Variants in KPNA3 observed in about 807,000 individuals in gnomAD.
KPNA3 encodes importin subunit alpha-4.
KPNA3 carries 13 observed loss-of-function variants against 73.8 expected under a neutral mutation model. The observed-to-expected ratio is 0.18, with a 90% CI of 0.11 to 0.28. The LOEUF is 0.28. Ranked by LOEUF, KPNA3 falls within the 10% of genes least tolerant of loss-of-function variation. KPNA3 has a pLI of 1.00. For synonymous variants in KPNA3, 186 were observed against 206.9 expected (o/e 0.90, Z 0.87); for missense variants, 360 against 618.1 (o/e 0.58, Z 4.43).
At position 49,709,656 on chromosome 13, in the gene KPNA3, G is replaced by A. The variant is rs780610786; in HGVS notation, c.948C>T (p.Asp316=). 8.1e-6 allele frequency: 13 copies of A among 1,613,832 alleles called. No homozygotes were observed. Among genetic ancestry groups the A allele is most frequent in the African/African-American group, 2.7e-5 (2 of 74,908 alleles). ...RAVGNIVTGT[D]EQTQVVLNCD... Reference sequence around the variant, plus strand: ...AATTGAGAACAACCTGGGTCTGCTCGTCGGTGCCAGTCACTATGTTGCCAA... The same window carrying A: ...AATTGAGAACAACCTGGGTCTGCTCATCGGTGCCAGTCACTATGTTGCCAA... Residue 316 remains aspartate (D), a synonymous_variant, in exon 12 of 17, where the codon GAC becomes GAT. Transcript: ENST00000261667.
At chr13:49,759,833 G>A (rs942775368) in intron 1 of KPNA3, among the ~76,000 whole-genome samples, 1 of 152,202 alleles carries the variant, frequency 6.6e-6, no homozygotes, top group Non-Finnish European at 1.5e-5. Flanking sequence ...CGGACTGGTA[G>A]TGGTCCAGGG....
intron 1 of KPNA3, among the ~76,000 whole-genome samples, chr13:49,752,138 G>C (rs915934351): frequency 6.6e-6 from 1 of 152,182 alleles, no homozygotes; most frequent in African/African-American, 2.4e-5. Context: ...GTTGCAAATG[G>C]AAGGGATCTT....
chr13:49,700,066 C>G lies in KPNA3; in HGVS notation c.*1734G>C, dbSNP rs1488438812. ...ACCTATAAATAATCAGAGGCCAAAC[C>G]ACTATATTAAAACAGATTCTCTAGC... On this transcript the variant is annotated 3_prime_UTR_variant, in exon 17 of 17. Coordinates refer to ENST00000261667, the MANE Select transcript of KPNA3 (RefSeq NM_002267.4). 1 of 152,546 alleles carries G rather than the reference C, an allele frequency of 6.6e-6. No individual in the cohort carries two copies. The highest frequency in any genetic ancestry group is 1.5e-5 in the Non-Finnish European group (1 of 68,028). The allele number at this position is 152,546 out of a possible 1,614,324, so 9.4% of individuals were successfully genotyped here.
intron 2 of KPNA3, among the ~76,000 whole-genome samples, chr13:49,744,467 AGAT>A (rs1310589787): frequency 2.0e-5 from 3 of 152,246 alleles, no homozygotes; most frequent in Non-Finnish European, 4.4e-5. Context: ...GATGATTAAT[AGAT>A]AATAGACAAA....
At position 49,705,610 on chromosome 13, in the gene KPNA3, T is replaced by G. The variant is rs368142442; in HGVS notation, c.1372+11A>C. 26 of 1,610,788 alleles carry G rather than the reference T, an allele frequency of 1.6e-5. No homozygotes were observed. Among genetic ancestry groups the G allele is most frequent in the Non-Finnish European group, 2.0e-5 (24 of 1,178,482 alleles). ...TGCTCAAATACTCTTCTTCCATCAA[T>G]CCACTCTTACCTCCACATTCCTCTA... On this transcript the variant is annotated intron_variant, in intron 15 of 16. Coordinates refer to ENST00000261667, the MANE Select transcript of KPNA3 (RefSeq NM_002267.4).
At chr13:49,710,088 C>T (rs1954246342) in intron 11 of KPNA3, among the ~76,000 whole-genome samples, 1 of 152,234 alleles carries the variant, frequency 6.6e-6, no homozygotes, top group African/African-American at 2.4e-5. Context: ...CATAGTGAAA[C>T]TCCATCTCTA....
chr13:49,791,873 ATC>A (rs1241375490), intron 1 of KPNA3, among the ~76,000 whole-genome samples: 191 of 152,198 alleles, frequency 1.3e-3, no homozygotes, highest in African/African-American at 4.5e-3. Context: ...ACCCTCCCCC[ATC>A]GATCACCCTC....
chr13:49,704,544 AAAAT>A (rs905256245), intron 15 of KPNA3, among the ~76,000 whole-genome samples: 6 of 151,712 alleles, frequency 4.0e-5, no homozygotes, highest in African/African-American at 1.4e-4. Flanking sequence ...GTTTTCTCTT[AAAAT>A]AAATAAATAA....
Position 49,706,291 on chromosome 13 carries a change from T to A in KPNA3, c.1114A>T (p.Met372Leu), listed in dbSNP as rs184001441. Residue 372 changes from methionine to leucine, a missense_variant, in exon 13 of 17, where the codon ATG becomes TTG. By Grantham distance (15) the Met-to-Leu change is conservative (BLOSUM62 2). Around this residue, in one of 3 missense-constraint regions of KPNA3, gnomAD observed 287 missense variants for 549.1 expected, o/e 0.52. Transcript: ENST00000261667. ...ACCTTAGCAAGCTGATGAATTATCA[T>A]AGGAATTAATCCAGCATCTATTACA... ...QAVIDAGLIP[M>L]IIHQLAKGDF... 98 of 1,614,036 alleles carry A rather than the reference T, an allele frequency of 6.1e-5. No individual in the cohort carries two copies. The Admixed American group carries it at 1.6e-3, about 27-fold the overall frequency.
chr13:49,723,126 CTTAAAA>C (rs1954375891), intron 7 of KPNA3, among the ~76,000 whole-genome samples: 2 of 150,714 alleles, frequency 1.3e-5, no homozygotes, highest in Admixed American at 1.3e-4. Context: ...GTATTATTTA[CTTAAAA>C]TTTAAATTAA....
At chr13:49,746,077 A>G (rs934665243) in intron 2 of KPNA3, among the ~76,000 whole-genome samples, 1 of 151,854 alleles carries the variant, frequency 6.6e-6, no homozygotes, top group African/African-American at 2.4e-5. Flanking sequence ...AAAAAAAAAA[A>G]AAAAAAAGAA....
chr13:49,750,208 G>T (rs542023562), intron 1 of KPNA3, among the ~76,000 whole-genome samples: 1 of 152,246 alleles, frequency 6.6e-6, no homozygotes, highest in Admixed American at 6.5e-5. Flanking sequence ...ATCAAATCTG[G>T]CAGGCTATCT....
At chr13:49,764,862 T>C (rs930566140) in intron 1 of KPNA3, among the ~76,000 whole-genome samples, 6 of 152,232 alleles carry the variant, frequency 3.9e-5, no homozygotes, top group Admixed American at 6.5e-5. Context: ...CACTTCTACT[T>C]ATTTAGTCCA....
At chr13:49,760,158 C>T (rs1238199194) in intron 1 of KPNA3, among the ~76,000 whole-genome samples, 1 of 152,170 alleles carries the variant, frequency 6.6e-6, no homozygotes, top group East Asian at 1.9e-4. Context: ...CACGGTGGCT[C>T]ATGCCTGTAA....
chr13:49,704,315 A>G (rs1954179898), intron 15 of KPNA3, among the ~76,000 whole-genome samples: 1 of 151,692 alleles, frequency 6.6e-6, no homozygotes, highest in Non-Finnish European at 1.5e-5. Flanking sequence ...CCCAGCTACT[A>G]GGGAGGCTGA....
intron 2 of KPNA3, among the ~76,000 whole-genome samples, chr13:49,733,380 C>T (rs1954489450): frequency 6.7e-6 from 1 of 148,848 alleles, no homozygotes; most frequent in Non-Finnish European, 1.5e-5. Flanking sequence ...CCTCTGCTTC[C>T]TGGGTTCAGG....
chr13:49,755,458 A>G (rs1473055850), intron 1 of KPNA3, among the ~76,000 whole-genome samples: 1 of 152,232 alleles, frequency 6.6e-6, no homozygotes, highest in Non-Finnish European at 1.5e-5. Context: ...AGCCAGTAAA[A>G]TAAGGCAAGA....
In KPNA3 at chr13:49,701,605, G is replaced by T; in HGVS notation, c.*195C>A. ...GTTCTAAAACAGTTTAGGAAATCAT[G>T]CATATGCATTTACAGTCCATGTGAT... On this transcript the variant is annotated 3_prime_UTR_variant, in exon 17 of 17. Coordinates refer to ENST00000261667, the MANE Select transcript of KPNA3 (RefSeq NM_002267.4). The T allele has an allele frequency of 1.4e-6, 1 of 713,006 alleles. No homozygotes were observed. The highest frequency in any genetic ancestry group is 1.4e-5 in the South Asian group (1 of 70,568). 44.2% of individuals were successfully genotyped at this position (713,006 alleles called of 1,614,324 possible).
chr13:49,737,905 G>A (rs1482229416), intron 2 of KPNA3, among the ~76,000 whole-genome samples: 2 of 152,106 alleles, frequency 1.3e-5, no homozygotes, highest in Non-Finnish European at 2.9e-5. Context: ...CTCTCACACA[G>A]CAAAATTTTT....
Sources: gnomAD v4.1 joint callset for allele counts (sites outside exome capture counted in the v4.1 genomes callset) on GRCh38, gnomAD v4.1.1 for gene constraint, gnomAD v4.1.1 regional missense constraint, MANE v1.5 for transcripts, NCBI Gene and HGNC (gene_info 2026-07-23, HGNC 2026-07-21) for gene names.